The following TCHH variants were observed in gnomAD, a reference collection of about 807,000 sequenced individuals.
TCHH encodes the protein trichohyalin.
A neutral mutation model predicts 6.3 loss-of-function variants in TCHH; 6 were observed. That is an observed-to-expected ratio of 0.95 (90% CI 0.52 to 1.88). The LOEUF (loss-of-function observed/expected upper bound fraction) is 1.88, where lower values mean the gene tolerates loss of function less well. Among genes scored for constraint, TCHH ranks in the 40% most tolerant of loss-of-function variants. The pLI, the probability that TCHH is intolerant of heterozygous loss-of-function variation, is 0.01. For synonymous variants in TCHH, 1,087 were observed against 963.6 expected, an observed-to-expected ratio of 1.13 and a Z score of -2.37; for missense variants, 2,920 against 2,449.1, an observed-to-expected ratio of 1.19 and a Z score of -4.06.
intron 2 of TCHH, 23 bp from the exon 3 acceptor site, chr1:152,113,101 A>G (rs1658432085): frequency 6.4e-7 from 1 of 1,552,532 alleles, no homozygotes; most frequent in Admixed American, 2.0e-5. Context: ...TGAAAACAAA[A>G]ATTTTACAAT....
At position 152,112,451 on chromosome 1, in the gene TCHH, C is replaced by G; in HGVS notation, c.766G>C (p.Glu256Gln). ...TCCTCTTCCTGCAACTTCTCTTCTT[C>G]CTTCCGGAGCACTGTCTCGCGCTTC... ...WRKRETVLRK[E>Q]EEKLQEEEPQ... is the part of the protein sequence containing the mutation. Residue 256 changes from glutamate (E) to glutamine (Q), a missense_variant, in exon 3 of 3, where the codon GAA becomes CAA. Glu to Gln is a conservative substitution (Grantham distance 29). Coordinates refer to ENST00000614923, the MANE Select transcript of TCHH (RefSeq NM_007113.4). The G allele has an allele frequency of 6.2e-7, 1 of 1,613,786 alleles. No individual in the cohort carries two copies. Among genetic ancestry groups the G allele is most frequent in the African/African-American group, 1.3e-5 (1 of 74,986 alleles).
At position 152,107,493 on chromosome 1, in the gene TCHH, G is replaced by A. The variant is rs772982245; in HGVS notation, c.5724C>T (p.Gly1908=). 4 of 1,614,200 alleles carry A rather than the reference G, an allele frequency of 2.5e-6. No individual in the cohort carries two copies. Among genetic ancestry groups the A allele is most frequent in the Non-Finnish European group, 3.4e-6 (4 of 1,180,026 alleles). ...TGCCGGGCTCCAGAAGCCGCCCATG[G>A]CCCTTCCCTTCTTGGGATTTTATCT... ...VGEIKSQEGK[G]HGRLLEPGTH... is the part of the protein sequence containing the mutation. Residue 1908 remains glycine (G), a synonymous_variant, in exon 3 of 3, where the codon GGC becomes GGT. Transcript: ENST00000614923.
In TCHH at chr1:152,109,157, G is replaced by C. The variant is rs780658407; in HGVS notation, c.4060C>G (p.Arg1354Gly). Residue 1354 changes from arginine to glycine, a missense_variant, in exon 3 of 3, where the codon CGC becomes GGC. By Grantham distance (125) the Arg-to-Gly change is moderately radical. Transcript: ENST00000614923. ...AATTTTCTGTCACGCTCTTGGCGGCGCAGCGGCTGTTCCTCCCTTTCCTGG... is the reference window on the plus strand; with the variant it reads ...AATTTTCTGTCACGCTCTTGGCGGCCCAGCGGCTGTTCCTCCCTTTCCTGG... ...LLQEREEQPL[R>G]RQERDRKFRE... 5.0e-6 allele frequency: 8 copies of C among 1,613,410 alleles called. No individual in the cohort carries two copies. Among genetic ancestry groups the C allele is most frequent in the East Asian group, 4.5e-5 (2 of 44,864 alleles).
rs1553194797 is a variant in TCHH, at chr1:152,112,727, G to GCTGTTCAAGTCGCT, written c.476_489dup (p.Arg164SerfsTer60). 6.2e-7 allele frequency: 1 copy of GCTGTTCAAGTCGCT among 1,613,948 alleles called. No homozygotes were observed. The highest frequency in any genetic ancestry group is 8.5e-7 in the Non-Finnish European group (1 of 1,180,034). On this transcript the variant is annotated frameshift_variant, in exon 3 of 3. Transcript: ENST00000614923. LOFTEE classifies it low-confidence loss of function (END_TRUNC). ...TCCTCGTCGCGGCGCTGCCTGTCGCGCTGTTCAAGTCGCTCTTGTTTCTCA... is the reference window on the plus strand; with the variant it reads ...TCCTCGTCGCGGCGCTGCCTGTCGCGCTGTTCAAGTCGCTCTGTTCAAGTCGCTCTTGTTTCTCA...
chr1:152,113,947 A>T lies in TCHH; in HGVS notation c.134T>A (p.Leu45His). The T allele has an allele frequency of 6.2e-7, 1 of 1,611,834 alleles. No individual in the cohort carries two copies. Among genetic ancestry groups the T allele is most frequent in the Non-Finnish European group, 8.5e-7 (1 of 1,179,302 alleles). The change falls in exon 2 of 3, where the codon CTT becomes CAT. Residue 45 changes from leucine to histidine, a missense_variant. Physicochemically the swap from Leu to His is moderately conservative, Grantham distance 99 (BLOSUM62 -3). Transcript: ENST00000614923. ...CATTTTCTTGTTAGTTCTTACCCGA[A>T]GCACAGCTCCAAATTCCCTTTCAAG... Reference protein sequence around the residue: ...NLLEREFGAVLRRPHDPKTVD... With the variant: ...NLLEREFGAVHRRPHDPKTVD...
At position 152,110,890 on chromosome 1, in the gene TCHH, T is replaced by G; in HGVS notation, c.2327A>C (p.Lys776Thr). 6.2e-7 allele frequency: 1 copy of G among 1,611,674 alleles called. No homozygotes were observed. The highest frequency in any genetic ancestry group is 8.5e-7 in the Non-Finnish European group (1 of 1,179,916). The change falls in exon 3 of 3, where the codon AAG (lysine) becomes ACG (threonine). Residue 776 changes from lysine to threonine, a missense_variant. By Grantham distance (78) the Lys-to-Thr change is moderately conservative (BLOSUM62 -1). Transcript: ENST00000614923. ...DFTWQWQAEE[K>T]SERGRQRLSA... ...CAGCCTCTGACGGCCCCTCTCGCTC[T>G]TTTCCTCCGCCTGCCACTGCCATGT... is the stretch of plus-strand genomic sequence containing the variant.
At position 152,109,230 on chromosome 1, in the gene TCHH, T is replaced by C; in HGVS notation, c.3987A>G (p.Arg1329=). ...ATTTTCTGTCTGTCTCTTGACGGCG[T>C]CTCTTCTCTTCTCTTTCCTCTCTCA... The part of the protein sequence containing the change: ...QLLREEREEK[R]RRQETDRKFR... The change falls in exon 3 of 3, where the codon AGA becomes AGG. Residue 1329 remains arginine, a synonymous_variant. Coordinates refer to ENST00000614923, the MANE Select transcript of TCHH (RefSeq NM_007113.4). 6.2e-7 allele frequency: 1 copy of C among 1,614,018 alleles called. No homozygotes were observed.
In TCHH at chr1:152,112,593, C is replaced by T. The variant is rs923712167; in HGVS notation, c.624G>A (p.Glu208=). The change falls in exon 3 of 3, where the codon GAG becomes GAA. Residue 208 remains glutamate (E), a synonymous_variant. Coordinates refer to ENST00000614923, the MANE Select transcript of TCHH (RefSeq NM_007113.4). ...GHETEEFPDE[E]QLRRRELLEL... is the part of the protein sequence containing the mutation. ...CCAGCAGCTCCCGCCTTCGCAGTTG[C>T]TCTTCGTCTGGAAACTCCTCAGTTT... is the stretch of plus-strand genomic sequence containing the variant. The T allele has an allele frequency of 1.9e-6, 3 of 1,613,616 alleles. No homozygotes were observed. The highest frequency in any genetic ancestry group is 2.7e-5 in the African/African-American group (2 of 74,870).
In TCHH at chr1:152,110,985, A is replaced by T; in HGVS notation, c.2232T>A (p.Ser744Arg). ...GTTCCTCCTCCTGCCATTGCAGCTC[A>T]CTCTCCCGGCGCCGCCTCTTTTCCT... is the stretch of plus-strand genomic sequence containing the variant. ...EQEEKRRRRE[S>R]ELQWQEEERA... Residue 744 changes from serine (S) to arginine (R), a missense_variant, in exon 3 of 3, where the codon AGT becomes AGA. Transcript: ENST00000614923. 6.2e-7 allele frequency: 1 copy of T among 1,604,972 alleles called. No homozygotes were observed. Among genetic ancestry groups the T allele is most frequent in the Non-Finnish European group, 8.5e-7 (1 of 1,177,492 alleles).
rs1245910279 is a variant in TCHH at position 152,107,546 on chromosome 1, CCTT to C, written c.5668_5670del (p.Lys1890del). The C allele has an allele frequency of 6.8e-6, 11 of 1,614,094 alleles. No homozygotes were observed. Among genetic ancestry groups the C allele is most frequent in the African/African-American group, 5.3e-5 (4 of 74,946 alleles). Reference sequence around the variant, plus strand: ...CCGACTTGGCGGTGCCTCTGTTCCTCCTTCTGCTGGCGGCGGATGTGTTCTTCC... The same window carrying C: ...CCGACTTGGCGGTGCCTCTGTTCCTCCTGCTGGCGGCGGATGTGTTCTTCC... On this transcript the variant is annotated inframe_deletion, in exon 3 of 3. Coordinates refer to ENST00000614923, the MANE Select transcript of TCHH (RefSeq NM_007113.4).
At position 152,110,058 on chromosome 1, in the gene TCHH, T is replaced by C; in HGVS notation, c.3159A>G (p.Glu1053=). The C allele has an allele frequency of 1.2e-6, 2 of 1,603,176 alleles. No individual in the cohort carries two copies. The highest frequency in any genetic ancestry group is 1.7e-6 in the Non-Finnish European group (2 of 1,176,226). ...GCTCTTCCTCCTGCTGCAGCTCCTC[T>C]TCCTCCCGATATTGCCTCTCCCGCT... ...LQERERQYRE[E]EELQQEEEQL... is the part of the protein sequence containing the mutation. The change falls in exon 3 of 3, where the codon GAA becomes GAG. Residue 1053 remains glutamate (E), a synonymous_variant. Transcript: ENST00000614923.
rs1557811090 is a variant in TCHH, at chr1:152,110,800, C to G, written c.2417G>C (p.Arg806Pro). Reference protein sequence around the residue: ...RQLRAEERQQREQRFLPEEEE... With the variant: ...RQLRAEERQQPEQRFLPEEEE... ...CTCCTCCGGGAGAAACCGTTGTTCCCGCTGCTGGCGCTCCTCGGCCCTCAG... is the reference window on the plus strand; with the variant it reads ...CTCCTCCGGGAGAAACCGTTGTTCCGGCTGCTGGCGCTCCTCGGCCCTCAG... The change falls in exon 3 of 3, where the codon CGG (arginine) becomes CCG (proline). Residue 806 changes from arginine to proline, a missense_variant. Physicochemically the swap from Arg to Pro is moderately radical, Grantham distance 103 (BLOSUM62 -2). Coordinates refer to ENST00000614923, the MANE Select transcript of TCHH (RefSeq NM_007113.4). The G allele has an allele frequency of 3.1e-6, 5 of 1,607,738 alleles. No individual in the cohort carries two copies. Among genetic ancestry groups the G allele is most frequent in the African/African-American group, 2.7e-5 (2 of 74,836 alleles).
chr1:152,108,430 T>G lies in TCHH; in HGVS notation c.4787A>C (p.Lys1596Thr). 6.2e-7 allele frequency: 1 copy of G among 1,612,956 alleles called. No individual in the cohort carries two copies. The highest frequency in any genetic ancestry group is 8.5e-7 in the Non-Finnish European group (1 of 1,179,724). Reference protein sequence around the residue: ...QKVRRQEQERKFMEDEQQLRR... With the variant: ...QKVRRQEQERTFMEDEQQLRR... ...CAGCTGCTGTTCGTCCTCCATGAAT[T>G]TTCTCTCTTGTTCCTGGCGGCGCAC... Residue 1596 changes from lysine to threonine, a missense_variant, in exon 3 of 3, where the codon AAA becomes ACA. By Grantham distance (78) the Lys-to-Thr change is moderately conservative. Coordinates refer to ENST00000614923, the MANE Select transcript of TCHH (RefSeq NM_007113.4).
chr1:152,112,904 C>G lies in TCHH; in HGVS notation c.313G>C (p.Gly105Arg), dbSNP rs987915327. 6.2e-7 allele frequency: 1 copy of G among 1,613,938 alleles called. No homozygotes were observed. Among genetic ancestry groups the G allele is most frequent in the East Asian group, 2.2e-5 (1 of 44,834 alleles). ...LDEEKRARCD[G>R]KESLLQDRRQ... is the part of the protein sequence containing the mutation. ...CGATCTTGTAACAGGCTCTCCTTTC[C>G]GTCACACCGGGCTCGCTTCTCCTCA... The change falls in exon 3 of 3, where the codon GGA (glycine) becomes CGA (arginine). Residue 105 changes from glycine (G) to arginine (R), a missense_variant. Coordinates refer to ENST00000614923, the MANE Select transcript of TCHH (RefSeq NM_007113.4).
At position 152,110,258 on chromosome 1, in the gene TCHH, C is replaced by T; in HGVS notation, c.2959G>A (p.Glu987Lys). The change falls in exon 3 of 3, where the codon GAG becomes AAG. Residue 987 changes from glutamate (E) to lysine (K), a missense_variant. Coordinates refer to ENST00000614923, the MANE Select transcript of TCHH (RefSeq NM_007113.4). ...EPEKRRRQER[E>K]KKYREEEELQ... is the part of the protein sequence containing the mutation. ...TCCTCTTCCTCGCGGTATTTTTTCT[C>T]CCGCTCCTGGCGCCTTCTCTTCTCC... is the stretch of plus-strand genomic sequence containing the variant. 3.1e-6 allele frequency: 5 copies of T among 1,609,068 alleles called. No individual in the cohort carries two copies. Among genetic ancestry groups the T allele is most frequent in the East Asian group, 2.2e-5 (1 of 44,498 alleles).
In TCHH at chr1:152,109,060, T is replaced by C. The variant is rs1192255268; in HGVS notation, c.4157A>G (p.Gln1386Arg). ...CTTAAGGAATTTTCTCTCCCGTTCC[T>C]GGCGGCGCAGCCGCTGTTCCTCCTC... is the stretch of plus-strand genomic sequence containing the variant. ...FLEEEQRLRR[Q>R]ERERKFLKEE... The change falls in exon 3 of 3, where the codon CAG becomes CGG. Residue 1386 changes from glutamine to arginine, a missense_variant. Transcript: ENST00000614923. 6.2e-7 allele frequency: 1 copy of C among 1,613,912 alleles called. No homozygotes were observed. Among genetic ancestry groups the C allele is most frequent in the South Asian group, 1.1e-5 (1 of 91,082 alleles).
chr1:152,109,454 C>T lies in TCHH; in HGVS notation c.3763G>A (p.Asp1255Asn). The T allele has an allele frequency of 6.2e-7, 1 of 1,614,276 alleles. No individual in the cohort carries two copies. Among genetic ancestry groups the T allele is most frequent in the Non-Finnish European group, 8.5e-7 (1 of 1,180,054 alleles). Residue 1255 changes from aspartate (D) to asparagine (N), a missense_variant, in exon 3 of 3, where the codon GAT (aspartate) becomes AAT (asparagine). Physicochemically the swap from Asp to Asn is conservative, Grantham distance 23. Coordinates refer to ENST00000614923, the MANE Select transcript of TCHH (RefSeq NM_007113.4). Reference sequence around the variant, plus strand: ...GATTGTCTGTCGCGCAGCTGGGAATCTTCCAACTGCCGGAACTGTTCATTC... The same window carrying T: ...GATTGTCTGTCGCGCAGCTGGGAATTTTCCAACTGCCGGAACTGTTCATTC... The part of the protein sequence containing the change: ...RENEQFRQLE[D>N]SQLRDRQSQQ...
At position 152,112,619 on chromosome 1, in the gene TCHH, C is replaced by G. The variant is rs1557813359; in HGVS notation, c.598G>C (p.Glu200Gln). 5 of 1,613,616 alleles carry G rather than the reference C, an allele frequency of 3.1e-6. No individual in the cohort carries two copies. In the African/African-American group the frequency reaches 5.3e-5, roughly 17 times the overall value. The change falls in exon 3 of 3, where the codon GAA becomes CAA. Residue 200 changes from glutamate to glutamine, a missense_variant. Physicochemically the swap from Glu to Gln is conservative, Grantham distance 29. Transcript: ENST00000614923. ...EEQLQSCKGH[E>Q]TEEFPDEEQL... is the part of the protein sequence containing the mutation. Reference sequence around the variant, plus strand: ...TCTTCGTCTGGAAACTCCTCAGTTTCGTGACCTTTGCAACTCTGCAGCTGC... The same window carrying G: ...TCTTCGTCTGGAAACTCCTCAGTTTGGTGACCTTTGCAACTCTGCAGCTGC...
Position 152,109,949 on chromosome 1 carries a change from C to T in TCHH, c.3268G>A (p.Glu1090Lys), listed in dbSNP as rs1412196420. The T allele has an allele frequency of 2.5e-6, 4 of 1,583,338 alleles. No individual in the cohort carries two copies. In the South Asian group the frequency reaches 3.4e-5, roughly 14 times the overall value. ...YRKEEELQQEEEQLLREEPEK... is the reference protein window; with the variant it reads ...YRKEEELQQEKEQLLREEPEK... ...GGTTCCTCTCTCAGCAGCTGCTCTT[C>T]CTCCTGCTGCAGCTCCTCTTCCTTC... is the stretch of plus-strand genomic sequence containing the variant. Residue 1090 changes from glutamate (E) to lysine (K), a missense_variant, in exon 3 of 3, where the codon GAA becomes AAA. Coordinates refer to ENST00000614923, the MANE Select transcript of TCHH (RefSeq NM_007113.4).
Sources: allele counts gnomAD v4.1 joint callset, GRCh38; gene constraint gnomAD v4.1.1; transcripts MANE v1.5; gene names NCBI Gene and HGNC (gene_info 2026-07-23, HGNC 2026-07-21).